ZRANB2: variants seen among roughly 807,000 people sequenced by gnomAD.
The protein encoded by ZRANB2 is zinc finger Ran-binding domain-containing protein 2.
In ZRANB2, 19 loss-of-function variants were observed where a neutral mutation model predicts 53.4. The observed-to-expected ratio is 0.36, with a 90% confidence interval of 0.25 to 0.52. The LOEUF is 0.52. ZRANB2 is among the 20% of genes least tolerant of loss of function. The pLI is 0.93. For missense variants in ZRANB2, 309 were observed against 401.1 expected (o/e 0.77, Z 1.96); for synonymous variants, 145 against 134.8 (o/e 1.08, Z -0.52).
intron 9 of ZRANB2, 55 bp downstream of exon 9, chr1:71,066,721 T>G: frequency 1.3e-6 from 2 of 1,537,616 alleles, no homozygotes; most frequent in Non-Finnish European, 1.8e-6. Flanking sequence ...AAAGTTTACT[T>G]TATCTATTAA....
At chr1:71,070,546 TAA>T (rs938692784) in intron 7 of ZRANB2, among the ~76,000 whole-genome samples, 6 of 152,116 alleles carry the variant, frequency 3.9e-5, no homozygotes, top group East Asian at 1.9e-4. Flanking sequence ...TAATTAAATA[TAA>T]GTGTATATAA....
Position 71,070,938 on chromosome 1 carries a change from T to C in ZRANB2, c.572A>G (p.Glu191Gly). 1.2e-6 allele frequency: 2 copies of C among 1,611,190 alleles called. No homozygotes were observed. Among genetic ancestry groups the C allele is most frequent in the Non-Finnish European group, 1.7e-6 (2 of 1,178,806 alleles). The part of the protein sequence containing the change: ...SKYNLDASEE[E>G]DSNKKKSNRR... ...ATTAGATTTCTTTTTATTACTATCT[T>C]CTTCTTCACTGGCATCAAGATTATA... The change falls in exon 7 of 10, where the codon GAA becomes GGA. Residue 191 changes from glutamate (E) to glycine (G), a missense_variant. Physicochemically the swap from Glu to Gly is moderately conservative, Grantham distance 98. Around this residue, in one of 3 missense-constraint regions of ZRANB2, gnomAD observed 211 missense variants for 196.1 expected, o/e 1.08. Transcript: ENST00000370920.
chr1:71,066,952 C>T lies in ZRANB2; in HGVS notation c.771-18G>A, dbSNP rs183918526. 1 of 1,538,008 alleles carries T rather than the reference C, an allele frequency of 6.5e-7. No individual in the cohort carries two copies. Among genetic ancestry groups the T allele is most frequent in the African/African-American group, 1.4e-5 (1 of 71,632 alleles). ...AGCTGGATCTTCATTGATTGAGAAA[C>T]AAATCAAACATTTCATTAAAAGAAG... On this transcript the variant is annotated intron_variant, in intron 8 of 9. Transcript: ENST00000370920.
At position 71,064,367 on chromosome 1, in the gene ZRANB2, A is replaced by T. The variant is rs753298900; in HGVS notation, c.*707T>A. On this transcript the variant is annotated 3_prime_UTR_variant, in exon 10 of 10. Coordinates refer to ENST00000370920, the MANE Select transcript of ZRANB2 (RefSeq NM_203350.3). ...GTAAACATTTTGAGATGTCTTTATCAAGCAACCGTATCAGCAGAGAAAAGA... is the reference window on the plus strand; with the variant it reads ...GTAAACATTTTGAGATGTCTTTATCTAGCAACCGTATCAGCAGAGAAAAGA... 6.6e-6 allele frequency: 1 copy of T among 152,316 alleles called. No individual in the cohort carries two copies. Among genetic ancestry groups the T allele is most frequent in the African/African-American group, 2.4e-5 (1 of 41,440 alleles). The allele number at this position is 152,316 out of a possible 1,614,324, so 9.4% of individuals were successfully genotyped here.
chr1:71,073,700 C>T (rs1471571351), intron 4 of ZRANB2, among the ~76,000 whole-genome samples: 1 of 151,692 alleles, frequency 6.6e-6, no homozygotes, highest in Non-Finnish European at 1.5e-5. Context: ...AGTAATATGA[C>T]AAATATGGAA....
chr1:71,071,333 T>C (rs1411126298), intron 6 of ZRANB2, among the ~76,000 whole-genome samples: 2 of 152,188 alleles, frequency 1.3e-5, no homozygotes, highest in African/African-American at 2.4e-5. Flanking sequence ...TAGCATATTA[T>C]AGTAACCTCT....
At chr1:71,074,653 T>C (rs1490337743) in intron 4 of ZRANB2, among the ~76,000 whole-genome samples, 3 of 145,928 alleles carry the variant, frequency 2.1e-5, no homozygotes, top group African/African-American at 7.3e-5. Context: ...TTATCTTTAA[T>C]GGTTTTTTTT....
intron 4 of ZRANB2, among the ~76,000 whole-genome samples, chr1:71,073,991 T>C (rs913880388): frequency 1.3e-5 from 2 of 152,156 alleles, no homozygotes; most frequent in Non-Finnish European, 2.9e-5. Flanking sequence ...TCCGTCATTC[T>C]ACTAATTTCA....
chr1:71,071,947 C>T (rs1468579296), intron 6 of ZRANB2, among the ~76,000 whole-genome samples, 174 bp downstream of exon 6: 3 of 152,104 alleles, frequency 2.0e-5, no homozygotes, highest in African/African-American at 7.2e-5. Flanking sequence ...ATCTCCAGAA[C>T]AGTAGTGTTC....
At chr1:71,070,596 G>A (rs2101045370) in intron 7 of ZRANB2, among the ~76,000 whole-genome samples, 1 of 152,142 alleles carries the variant, frequency 6.6e-6, no homozygotes, top group Non-Finnish European at 1.5e-5. Context: ...TTAGTCAAAA[G>A]CATGAGGCTA....
At chr1:71,075,736 G>A (rs558697404) in intron 4 of ZRANB2, among the ~76,000 whole-genome samples, 5 of 152,144 alleles carry the variant, frequency 3.3e-5, no homozygotes, top group Non-Finnish European at 5.9e-5. Flanking sequence ...AGAAAAAAAC[G>A]AGATCCTTGT....
chr1:71,070,115 T>G (rs915158812), intron 7 of ZRANB2, among the ~76,000 whole-genome samples: 5 of 152,166 alleles, frequency 3.3e-5, no homozygotes, highest in Admixed American at 3.3e-4. Flanking sequence ...ATCTAGTATT[T>G]TATTCCTAAA....
At chr1:71,074,174 G>C (rs569773107) in intron 4 of ZRANB2, among the ~76,000 whole-genome samples, 1 of 152,130 alleles carries the variant, frequency 6.6e-6, no homozygotes, top group African/African-American at 2.4e-5. Context: ...TTAATCTTTG[G>C]TGCTGTAAGA....
chr1:71,077,645 G>A (rs1661737143), intron 3 of ZRANB2, among the ~76,000 whole-genome samples: 1 of 152,104 alleles, frequency 6.6e-6, no homozygotes, highest in South Asian at 2.1e-4. Context: ...CTTGAGCTCA[G>A]GTGTTCGAGG....
chr1:71,065,577 T>A, intron 9 of ZRANB2: 1 of 1,451,188 alleles, frequency 6.9e-7, no homozygotes, highest in Non-Finnish European at 9.1e-7. Flanking sequence ...TGAGAAAATA[T>A]ACTCATAAAT....
chr1:71,072,931 T>TA (rs147882545), intron 4 of ZRANB2, among the ~76,000 whole-genome samples: 13,035 of 152,164 alleles, frequency 0.086, 653 homozygotes, highest in South Asian at 0.14. Context: ...TTCCACTGTT[T>TA]ACCAACTGCA....
intron 8 of ZRANB2, among the ~76,000 whole-genome samples, chr1:71,068,564 T>A (rs1661514090): frequency 6.6e-6 from 1 of 152,116 alleles, no homozygotes; most frequent in Non-Finnish European, 1.5e-5. Context: ...GATTTAGTTT[T>A]GAGTGTTTTG....
At chr1:71,070,037 C>G (rs1299999931) in intron 7 of ZRANB2, among the ~76,000 whole-genome samples, 1 of 152,024 alleles carries the variant, frequency 6.6e-6, no homozygotes, top group Admixed American at 6.6e-5. Flanking sequence ...CTAGTTATAG[C>G]CCCACTTTGT....
intron 8 of ZRANB2, among the ~76,000 whole-genome samples, chr1:71,068,193 T>C (rs567832246): frequency 3.9e-5 from 6 of 152,330 alleles, no homozygotes; most frequent in South Asian, 2.1e-4. Flanking sequence ...TGGCTTATAA[T>C]GCAAGTGTGC....
Sources: allele counts gnomAD v4.1 joint callset (sites outside exome capture counted in the v4.1 genomes callset), GRCh38; gene constraint gnomAD v4.1.1; regional missense constraint gnomAD v4.1.1; transcripts MANE v1.5; gene names NCBI Gene and HGNC (gene_info 2026-07-23, HGNC 2026-07-21).